Variants in INSC observed in about 807,000 individuals in gnomAD.
INSC encodes the protein protein inscuteable homolog.
Under a neutral mutation model 58.6 loss-of-function variants are expected in INSC, and 67 were observed. The observed-to-expected ratio is 1.14, with a 90% CI of 0.94 to 1.40. The LOEUF (loss-of-function observed/expected upper bound fraction) is 1.40, where lower values mean the gene tolerates loss of function less well. Among genes scored for constraint, INSC ranks in the 40% most tolerant of loss-of-function variants. The probability of loss-of-function intolerance (pLI) is 0.00; values close to 1 mark genes in which losing one functional copy is unlikely to be tolerated. For synonymous variants in INSC, 262 were observed against 276.1 expected (o/e 0.95, Z 0.51); for missense variants, 714 against 692.0 (o/e 1.03, Z -0.36).
intron 6 of INSC, among the ~76,000 whole-genome samples, chr11:15,197,110 G>A (rs75127723): frequency 2.4e-3 from 360 of 152,246 alleles, no homozygotes; most frequent in Non-Finnish European, 4.4e-3. Flanking sequence ...TTCCCATTTT[G>A]AAGATGAAGA....
intron 12 of INSC, chr11:15,241,494 A>G (rs1852353237): frequency 1.5e-6 from 1 of 685,820 alleles, no homozygotes; most frequent in Admixed American, 2.1e-5. Context: ...GACATTTGAT[A>G]AGTCACTCAG....
At chr11:15,118,271 A>T (rs916449411) in intron 1 of INSC, among the ~76,000 whole-genome samples, 2 of 152,300 alleles carry the variant, frequency 1.3e-5, no homozygotes, top group Non-Finnish European at 2.9e-5. Context: ...TTATCTGCAG[A>T]GGTGCACCTC....
chr11:15,215,952 C>A (rs1040972803), intron 7 of INSC, among the ~76,000 whole-genome samples: 1 of 151,992 alleles, frequency 6.6e-6, no homozygotes. Flanking sequence ...TTGAGGTGCC[C>A]GTGGAATATC....
chr11:15,247,854 GTT>G (rs1173394644), downstream of INSC, among the ~76,000 whole-genome samples: 2 of 151,708 alleles, frequency 1.3e-5, no homozygotes, highest in Non-Finnish European at 2.9e-5. Flanking sequence ...CATCTGAAAA[GTT>G]TTTAAATATT....
At chr11:15,217,882 T>A (rs780726407) in intron 7 of INSC, among the ~76,000 whole-genome samples, 42 of 152,196 alleles carry the variant, frequency 2.8e-4, no homozygotes, top group Non-Finnish European at 8.8e-5. Flanking sequence ...AATCTGCCAA[T>A]AGCAAGTATT....
At chr11:15,149,494 C>T (rs1322893943) in intron 2 of INSC, among the ~76,000 whole-genome samples, 2 of 152,166 alleles carry the variant, frequency 1.3e-5, no homozygotes, top group Admixed American at 6.5e-5. Flanking sequence ...AACAAAGAAT[C>T]GAATGGGTGT....
chr11:15,135,977 G>A (rs562082625), intron 1 of INSC, among the ~76,000 whole-genome samples: 14 of 152,232 alleles, frequency 9.2e-5, no homozygotes, highest in Admixed American at 7.8e-4. Flanking sequence ...GGAGGTAGAA[G>A]GGCCAAGAAA....
At chr11:15,187,940 G>T (rs1050219604) in intron 5 of INSC, among the ~76,000 whole-genome samples, 1 of 152,166 alleles carries the variant, frequency 6.6e-6, no homozygotes, top group African/African-American at 2.4e-5. Flanking sequence ...GAGTAGATAG[G>T]CAATTCCTAT....
the INSC span, among the ~76,000 whole-genome samples, chr11:15,257,559 C>A: frequency 2.6e-5 from 4 of 151,982 alleles, no homozygotes; most frequent in Non-Finnish European, 2.9e-5. Context: ...AACCACCCCC[C>A]CGCCTCAGTA....
chr11:15,174,973 A>G (rs1590399240), intron 2 of INSC, among the ~76,000 whole-genome samples: 2 of 152,192 alleles, frequency 1.3e-5, no homozygotes, highest in East Asian at 3.8e-4. Flanking sequence ...TTTAGAGTGC[A>G]TTTTATTTGA....
chr11:15,239,188 C>T, intron 11 of INSC, 114 bp downstream of exon 11: 1 of 1,322,414 alleles, frequency 7.6e-7, no homozygotes. Context: ...CTGGCATAAG[C>T]CCTGTCTCTG....
intron 2 of INSC, among the ~76,000 whole-genome samples, chr11:15,152,745 C>T (rs953393571): frequency 2.6e-5 from 4 of 152,138 alleles, no homozygotes; most frequent in Admixed American, 2.6e-4. Flanking sequence ...CTGAGAACAT[C>T]TGGAGGGCCT....
At chr11:15,119,804 G>T (rs1038208426) in intron 1 of INSC, among the ~76,000 whole-genome samples, 1 of 152,216 alleles carries the variant, frequency 6.6e-6, no homozygotes, top group Non-Finnish European at 1.5e-5. Flanking sequence ...AGAGTGCACG[G>T]GCTTTGCAGC....
At chr11:15,112,206 C>G (rs567739982), upstream of INSC, among the ~76,000 whole-genome samples, 1 of 152,090 alleles carries the variant, frequency 6.6e-6, no homozygotes, top group African/African-American at 2.4e-5. Context: ...GGGCCGGCGC[C>G]GGGGATGGAA....
chr11:15,261,087 C>T, the INSC span, among the ~76,000 whole-genome samples: 3 of 152,174 alleles, frequency 2.0e-5, no homozygotes, highest in African/African-American at 4.8e-5. Context: ...GAGAAGTTTG[C>T]TCACATTGTA....
chr11:15,178,258 G>T (rs890599472), intron 4 of INSC, 66 bp from the exon 5 acceptor site: 2 of 1,595,490 alleles, frequency 1.3e-6, no homozygotes, highest in Admixed American at 1.7e-5. Context: ...GTTCTGGCCC[G>T]TGCAACATTT....
chr11:15,176,988 C>A, intron 3 of INSC, 123 bp from the exon 4 acceptor site: 1 of 797,586 alleles, frequency 1.3e-6, no homozygotes, highest in Admixed American at 1.8e-5. Context: ...TATATTTTAA[C>A]TGCCTGTTCC....
downstream of INSC, among the ~76,000 whole-genome samples, chr11:15,249,486 A>G (rs528175726): frequency 6.6e-6 from 1 of 152,234 alleles, no homozygotes; most frequent in South Asian, 2.1e-4. Flanking sequence ...GGTGAAAGGG[A>G]AGTAGATTGT....
intron 2 of INSC, among the ~76,000 whole-genome samples, chr11:15,164,922 G>A (rs1001447059): frequency 6.6e-6 from 1 of 152,060 alleles, no homozygotes; most frequent in African/African-American, 2.4e-5. Context: ...TGTGCCTTTC[G>A]CCTTCTGCTA....
Sources: allele counts gnomAD v4.1 joint callset (sites outside exome capture counted in the v4.1 genomes callset), GRCh38; gene constraint gnomAD v4.1.1; transcripts MANE v1.5; gene names NCBI Gene and HGNC (gene_info 2026-07-23, HGNC 2026-07-21).